Variants in RNLS observed in about 807,000 individuals in gnomAD.
RNLS encodes the protein renalase.
RNLS carries 39 observed loss-of-function variants against 39.8 expected under a neutral mutation model. The observed-to-expected ratio is 0.98, with a 90% CI of 0.76 to 1.28. The LOEUF is 1.28. Among genes scored for constraint, RNLS ranks in the 50% most tolerant of loss-of-function variants. The pLI is 0.00. For missense variants in RNLS, 410 were observed against 413.3 expected, an observed-to-expected ratio of 0.99 and a Z score of 0.07; for synonymous variants, 147 against 150.7, an observed-to-expected ratio of 0.98 and a Z score of 0.18.
chr10:88,462,673 T>C (rs935360323), intron 4 of RNLS, among the ~76,000 whole-genome samples: 1 of 151,970 alleles, frequency 6.6e-6, no homozygotes, highest in African/African-American at 2.4e-5. Flanking sequence ...CTTAATATTG[T>C]GGAAGCAGAG....
the RNLS span, among the ~76,000 whole-genome samples, chr10:88,204,482 C>T: frequency 6.6e-6 from 1 of 152,034 alleles, no homozygotes; most frequent in Non-Finnish European, 1.5e-5. Flanking sequence ...CAGTAAGTAC[C>T]AAAGCAATGG....
chr10:88,580,975 CTAAA>C (rs796394799), intron 3 of RNLS, among the ~76,000 whole-genome samples: 11 of 152,048 alleles, frequency 7.2e-5, no homozygotes, highest in African/African-American at 2.6e-4. Context: ...GGAATTGATC[CTAAA>C]TAAAGATATG....
At chr10:88,368,393 G>C (rs1413936353) in intron 4 of RNLS, among the ~76,000 whole-genome samples, 3 of 152,110 alleles carry the variant, frequency 2.0e-5, no homozygotes, top group African/African-American at 4.8e-5. Flanking sequence ...ACAGTGACTA[G>C]TGCAACAATG....
chr10:88,516,005 G>A (rs1846386704), intron 4 of RNLS, among the ~76,000 whole-genome samples: 1 of 152,012 alleles, frequency 6.6e-6, no homozygotes, highest in South Asian at 2.1e-4. Context: ...AATACACCAA[G>A]GATGCACAAC....
chr10:88,216,393 A>G, the RNLS span, among the ~76,000 whole-genome samples: 1 of 152,168 alleles, frequency 6.6e-6, no homozygotes, highest in Admixed American at 6.5e-5. Flanking sequence ...TATTTTTCCT[A>G]TCTTTCATCT....
the RNLS span, among the ~76,000 whole-genome samples, chr10:88,172,842 GTTTTTTTTTTTTTTTTTTTTTT>G: frequency 1.1e-4 from 5 of 43,778 alleles, no homozygotes; most frequent in Middle Eastern, 0.019. Context: ...ATTTTGAGTT[GTTTTTTTTTTTTTTTTTTTTTT>G]TTTTTTTTTT....
intron 4 of RNLS, among the ~76,000 whole-genome samples, chr10:88,383,285 A>G (rs905244606): frequency 4.1e-4 from 62 of 152,112 alleles, no homozygotes; most frequent in African/African-American, 1.5e-3. Context: ...ATGCACCACT[A>G]TCACCTATAA....
At chr10:88,508,123 T>C (rs1187613106) in intron 4 of RNLS, among the ~76,000 whole-genome samples, 1 of 152,172 alleles carries the variant, frequency 6.6e-6, no homozygotes, top group Non-Finnish European at 1.5e-5. Flanking sequence ...AGTTGCCAAC[T>C]GTGTATGTGC....
the RNLS span, among the ~76,000 whole-genome samples, chr10:88,214,498 CAAA>C: frequency 2.2e-5 from 3 of 135,128 alleles, no homozygotes; most frequent in Non-Finnish European, 3.2e-5. Context: ...GACTCCGTCT[CAAA>C]AAAAAAAAAA....
chr10:88,276,668 C>T (rs528431081), intron 6 of RNLS, among the ~76,000 whole-genome samples: 13 of 152,194 alleles, frequency 8.5e-5, no homozygotes, highest in South Asian at 6.2e-4. Context: ...CTAATTTTAT[C>T]GTATGTCATA....
chr10:88,405,976 A>G (rs918882298), intron 4 of RNLS, among the ~76,000 whole-genome samples: 2 of 151,980 alleles, frequency 1.3e-5, no homozygotes, highest in African/African-American at 4.8e-5. Context: ...TTTCCTTCAT[A>G]TATGATGCTT....
chr10:88,336,624 T>G (rs1049306033), intron 5 of RNLS, among the ~76,000 whole-genome samples: 2 of 152,260 alleles, frequency 1.3e-5, no homozygotes. Context: ...AATCTTCCAG[T>G]AAACAATGAA....
In RNLS at chr10:88,332,235, C is replaced by G. The variant is rs534253905; in HGVS notation, c.701-17594G>C. Among the ~76,000 whole-genome samples the G allele has an allele frequency of 1.0e-3, 152 of 152,350 alleles. 1 individual carries two copies. Among genetic ancestry groups the G allele is most frequent in the African/African-American group, 3.5e-3 (145 of 41,570 alleles). On this transcript the variant is annotated intron_variant, in intron 5 of 6. Coordinates refer to ENST00000331772, the MANE Select transcript of RNLS (RefSeq NM_001031709.3). The stretch of plus-strand genomic sequence containing the variant: ...TCCTCACCAAATATGTCCTGGGCAA[C>G]TTTGTTACCTCCAACTTTATCTACG...
intron 4 of RNLS, among the ~76,000 whole-genome samples, chr10:88,388,640 C>T (rs186948193): frequency 6.6e-6 from 1 of 152,210 alleles, no homozygotes; most frequent in Non-Finnish European, 1.5e-5. Flanking sequence ...GACAGTCCTA[C>T]TCTCACAAGC....
intron 4 of RNLS, among the ~76,000 whole-genome samples, chr10:88,513,947 A>AT (rs1846279957): frequency 6.6e-6 from 1 of 151,656 alleles, no homozygotes. Context: ...GAAGTTCAAC[A>AT]TTTTTTTTCA....
intron 4 of RNLS, among the ~76,000 whole-genome samples, chr10:88,542,191 C>A (rs541917865): frequency 1.3e-5 from 2 of 152,088 alleles, no homozygotes; most frequent in Non-Finnish European, 2.9e-5. Flanking sequence ...AATCGTTGAA[C>A]CTCACATCTC....
At chr10:88,287,730 A>G (rs190826859) in intron 6 of RNLS, among the ~76,000 whole-genome samples, 35 of 152,248 alleles carry the variant, frequency 2.3e-4, no homozygotes, top group African/African-American at 8.2e-4. Context: ...GGCAAGAGAG[A>G]GAGAGCATGT....
intron 4 of RNLS, among the ~76,000 whole-genome samples, chr10:88,452,375 T>G (rs1842410599): frequency 6.6e-6 from 1 of 152,218 alleles, no homozygotes; most frequent in Non-Finnish European, 1.5e-5. Flanking sequence ...AATCACACAC[T>G]GCATGCTCTG....
chr10:88,237,382 C>T, the RNLS span, among the ~76,000 whole-genome samples: 1 of 151,218 alleles, frequency 6.6e-6, no homozygotes, highest in Admixed American at 6.6e-5. Flanking sequence ...ATTCATTCAT[C>T]TACAAAGGAA....
Sources: allele counts gnomAD v4.1 joint callset (sites outside exome capture counted in the v4.1 genomes callset), GRCh38; gene constraint gnomAD v4.1.1; transcripts MANE v1.5; gene names NCBI Gene and HGNC (gene_info 2026-07-23, HGNC 2026-07-21).